The following CCDC148 variants were observed in gnomAD, a reference collection of about 807,000 sequenced individuals.
CCDC148 encodes the protein coiled-coil domain containing 148.
A neutral mutation model predicts 85.7 loss-of-function variants in CCDC148; 89 were observed. That is an observed-to-expected ratio of 1.04 (90% CI 0.87 to 1.24). CCDC148 has a LOEUF of 1.24. Among genes scored for constraint, CCDC148 ranks in the 50% most tolerant of loss-of-function variants. CCDC148 has a pLI of 0.00. For synonymous variants in CCDC148, 230 were observed against 213.9 expected (o/e 1.08, Z -0.66); for missense variants, 692 against 671.7 (o/e 1.03, Z -0.33).
intron 11 of CCDC148, among the ~76,000 whole-genome samples, chr2:158,180,406 G>A (rs1048110094): frequency 6.6e-6 from 1 of 152,132 alleles, no homozygotes; most frequent in African/African-American, 2.4e-5. Flanking sequence ...ACAAATAAGA[G>A]CCACTGAGAA....
At chr2:158,345,804 A>T (rs1479152076) in intron 2 of CCDC148, among the ~76,000 whole-genome samples, 2 of 152,318 alleles carry the variant, frequency 1.3e-5, no homozygotes, top group East Asian at 3.9e-4. Flanking sequence ...TGATGTTTAG[A>T]TTGGCTTCTA....
chr2:158,403,998 C>G (rs931926377), intron 1 of CCDC148, among the ~76,000 whole-genome samples: 3 of 152,174 alleles, frequency 2.0e-5, no homozygotes, highest in African/African-American at 4.8e-5. Flanking sequence ...AATTACTTAA[C>G]CTCTCTTGGC....
At chr2:158,234,858 T>G (rs1688026529) in intron 10 of CCDC148, among the ~76,000 whole-genome samples, 1 of 152,218 alleles carries the variant, frequency 6.6e-6, no homozygotes. Flanking sequence ...TTAATTTTCT[T>G]TTGGCAGTGG....
At chr2:158,226,118 G>A (rs932625142) in intron 10 of CCDC148, among the ~76,000 whole-genome samples, 2 of 152,130 alleles carry the variant, frequency 1.3e-5, no homozygotes, top group Middle Eastern at 6.8e-3. Context: ...AATGATAAAG[G>A]GGATATCACC....
intron 1 of CCDC148, among the ~76,000 whole-genome samples, chr2:158,380,589 GT>G (rs1015325150): frequency 6.6e-6 from 1 of 152,082 alleles, no homozygotes; most frequent in Non-Finnish European, 1.5e-5. Flanking sequence ...ATCCTAGAAA[GT>G]TTTTTTGTGC....
intron 1 of CCDC148, among the ~76,000 whole-genome samples, chr2:158,392,801 ATCT>A (rs1559116614): frequency 2.0e-5 from 3 of 152,140 alleles, no homozygotes; most frequent in African/African-American, 7.2e-5. Flanking sequence ...GTCATTTTAA[ATCT>A]TCTATAAGAT....
At chr2:158,315,437 G>A (rs1692231936) in intron 7 of CCDC148, among the ~76,000 whole-genome samples, 1 of 151,968 alleles carries the variant, frequency 6.6e-6, no homozygotes, top group African/African-American at 2.4e-5. Context: ...TAGAACTAAA[G>A]TACATGTCTT....
At chr2:158,404,230 T>A (rs1365076169) in intron 1 of CCDC148, among the ~76,000 whole-genome samples, 1 of 152,122 alleles carries the variant, frequency 6.6e-6, no homozygotes, top group East Asian at 1.9e-4. Flanking sequence ...AAGGGGGCTC[T>A]ATTTGCAATA....
chr2:158,178,831 C>A (rs753549151), intron 12 of CCDC148, 48 bp downstream of exon 12: 1 of 1,168,132 alleles, frequency 8.6e-7, no homozygotes, highest in African/African-American at 1.5e-5. Context: ...CACTTAGAAA[C>A]ATTTTTTTTA....
At chr2:158,400,911 A>G (rs112566720) in intron 1 of CCDC148, among the ~76,000 whole-genome samples, 1,751 of 152,362 alleles carry the variant, frequency 0.011, 20 homozygotes, top group Middle Eastern at 0.075. Context: ...GACACTTCTC[A>G]AAAGAAGACA....
At chr2:158,396,324 T>G (rs1685520338) in intron 1 of CCDC148, among the ~76,000 whole-genome samples, 1 of 152,114 alleles carries the variant, frequency 6.6e-6, no homozygotes, top group African/African-American at 2.4e-5. Context: ...TAGCTGTCAT[T>G]TTTTTAGATA....
intron 3 of CCDC148, among the ~76,000 whole-genome samples, chr2:158,342,632 T>C (rs979785497): frequency 6.6e-6 from 1 of 152,226 alleles, no homozygotes; most frequent in Non-Finnish European, 1.5e-5. Flanking sequence ...CTGAGGAGAC[T>C]GATTCTCCAC....
At chr2:158,365,401 C>T (rs147426526) in intron 1 of CCDC148, among the ~76,000 whole-genome samples, 1,888 of 152,142 alleles carry the variant, frequency 0.012, 29 homozygotes, top group African/African-American at 0.039. Context: ...GACTTGGAAC[C>T]GACCCAAATT....
chr2:158,202,844 C>A (rs1246554548), intron 11 of CCDC148, among the ~76,000 whole-genome samples: 8 of 152,128 alleles, frequency 5.3e-5, no homozygotes, highest in Non-Finnish European at 1.5e-5. Context: ...ATGGACTAAC[C>A]CAGAGAACAA....
chr2:158,297,831 C>G (rs1691260699), intron 9 of CCDC148, among the ~76,000 whole-genome samples: 1 of 152,180 alleles, frequency 6.6e-6, no homozygotes, highest in Non-Finnish European at 1.5e-5. Context: ...AACAGACTGC[C>G]TTTGTGTGTG....
At chr2:158,347,164 G>C (rs1683034667) in intron 2 of CCDC148, among the ~76,000 whole-genome samples, 1 of 152,048 alleles carries the variant, frequency 6.6e-6, no homozygotes, top group African/African-American at 2.4e-5. Flanking sequence ...AGTCTCTAAA[G>C]TTTGTTGCAA....
intron 1 of CCDC148, among the ~76,000 whole-genome samples, chr2:158,381,342 A>C (rs1684860834): frequency 1.3e-5 from 2 of 152,214 alleles, no homozygotes; most frequent in Non-Finnish European, 2.9e-5. Flanking sequence ...AAGGATACCC[A>C]AGTGGCCAAT....
intron 2 of CCDC148, among the ~76,000 whole-genome samples, chr2:158,349,633 C>A (rs1232251987): frequency 1.3e-5 from 2 of 151,924 alleles, no homozygotes; most frequent in African/African-American, 4.8e-5. Flanking sequence ...CAATTGTTCA[C>A]AACTTACAAG....
At chr2:158,328,637 A>G (rs1001177223) in intron 7 of CCDC148, among the ~76,000 whole-genome samples, 1 of 152,164 alleles carries the variant, frequency 6.6e-6, no homozygotes, top group Non-Finnish European at 1.5e-5. Context: ...CCAACAGTGT[A>G]AAAGTGCTCC....
Sources: gnomAD v4.1 joint callset for allele counts (sites outside exome capture counted in the v4.1 genomes callset) on GRCh38, gnomAD v4.1.1 for gene constraint, MANE v1.5 for transcripts, NCBI Gene and HGNC (gene_info 2026-07-23, HGNC 2026-07-21) for gene names.